DIPK2B: variants seen among roughly 807,000 people sequenced by gnomAD.
The protein encoded by DIPK2B is divergent protein kinase domain 2B.
Under a neutral mutation model 22.2 loss-of-function variants are expected in DIPK2B, and 15 were observed. The ratio of observed to expected loss-of-function variants is 0.68; its 90% CI spans 0.45 to 1.04. DIPK2B has a LOEUF of 1.04. Ranked by LOEUF, DIPK2B falls within the 50% of genes least tolerant of loss-of-function variation. The pLI is 0.00. For synonymous variants in DIPK2B, 163 were observed against 153.2 expected, an observed-to-expected ratio of 1.06 and a Z score of -0.47; for missense variants, 345 against 348.3, an observed-to-expected ratio of 0.99 and a Z score of 0.08.
intron 2 of DIPK2B, among the ~76,000 whole-genome samples, chrX:45,167,778 G>A (rs2047056970): frequency 9.0e-6 from 1 of 111,171 alleles, no homozygotes; most frequent in South Asian, 3.8e-4. Context: ...TCCGCCTCCT[G>A]GGTTCAAGTG....
intron 2 of DIPK2B, among the ~76,000 whole-genome samples, chrX:45,182,945 C>A (rs908608305): frequency 9.0e-6 from 1 of 111,522 alleles, no homozygotes; most frequent in South Asian, 3.8e-4. Flanking sequence ...TGGTTGGTCA[C>A]CCTAGAATGT....
chrX:45,195,158 ATG>A (rs1201632365), intron 1 of DIPK2B, among the ~76,000 whole-genome samples: 1 of 112,763 alleles, frequency 8.9e-6, no homozygotes, highest in Non-Finnish European at 1.9e-5. Flanking sequence ...AAATAGAAGA[ATG>A]TCAGTGAGAA....
Position 45,157,296 on chromosome X carries a change from T to G in DIPK2B, c.672+419A>C, listed in dbSNP as rs1206442980. Among the ~76,000 whole-genome samples, 3 of 111,861 alleles carry G rather than the reference T, an allele frequency of 2.7e-5. No individual in the cohort carries two copies. The Admixed American group carries it at 2.9e-4, about 11-fold the overall frequency. On this transcript the variant is annotated intron_variant, in intron 3 of 4. Transcript: ENST00000398000. ...GACCATTCCCCTGTGTATGGACATT[T>G]AGGAGTTACTTCCTTTGTTTTCCTC...
At chrX:45,178,769 A>C (rs182049634) in intron 2 of DIPK2B, among the ~76,000 whole-genome samples, 22 of 111,734 alleles carry the variant, frequency 2.0e-4, no homozygotes, top group Non-Finnish European at 3.0e-4. Flanking sequence ...TGAGTAGGGT[A>C]GGCCTCTAGA....
At chrX:45,181,269 G>T (rs2047150385) in intron 2 of DIPK2B, among the ~76,000 whole-genome samples, 1 of 111,798 alleles carries the variant, frequency 8.9e-6, no homozygotes, top group African/African-American at 3.3e-5. Flanking sequence ...TTCATGGATT[G>T]GGAGTCTCAA....
At position 45,150,190 on chromosome X, in the gene DIPK2B, C is replaced by CT. The variant is rs2046952955; in HGVS notation, c.*1461dup. ...AGCCACCGGGCCTGGCCTGTTCTGA[C>CT]TTTAAAGGTAGGGATTCAGAGGCAG... On this transcript the variant is annotated 3_prime_UTR_variant, in exon 5 of 5. Coordinates refer to ENST00000398000, the MANE Select transcript of DIPK2B (RefSeq NM_176819.4). 9.0e-6 allele frequency: 1 copy of CT among 111,388 alleles called. No individual in the cohort carries two copies. Among genetic ancestry groups the CT allele is most frequent in the Admixed American group, 9.6e-5 (1 of 10,432 alleles). 9.2% of individuals were successfully genotyped at this position (111,388 alleles called of 1,213,427 possible).
intron 3 of DIPK2B, among the ~76,000 whole-genome samples, chrX:45,155,434 AT>A (rs1300194501): frequency 2.9e-4 from 29 of 99,483 alleles, no homozygotes; most frequent in South Asian, 9.6e-4. Context: ...AAAAAAAAAT[AT>A]ATATATATAT....
intron 2 of DIPK2B, among the ~76,000 whole-genome samples, chrX:45,186,185 T>C (rs2047182676): frequency 8.9e-6 from 1 of 112,106 alleles, no homozygotes; most frequent in Non-Finnish European, 1.9e-5. Flanking sequence ...ATCTTAGTTG[T>C]TTCAACTCTG....
intron 1 of DIPK2B, among the ~76,000 whole-genome samples, chrX:45,196,553 A>AT (rs1389560886): frequency 2.7e-5 from 3 of 110,891 alleles, no homozygotes; most frequent in South Asian, 3.9e-4. Context: ...GTGTTTAAAC[A>AT]TTTTTTTTAG....
At chrX:45,164,847 G>A (rs2047039679) in intron 2 of DIPK2B, among the ~76,000 whole-genome samples, 1 of 112,076 alleles carries the variant, frequency 8.9e-6, no homozygotes, top group Admixed American at 9.5e-5. Context: ...TGGGGCAGAA[G>A]GGTCACTTGA....
At chrX:45,157,210 A>C (rs2046999970) in intron 3 of DIPK2B, among the ~76,000 whole-genome samples, 1 of 111,512 alleles carries the variant, frequency 9.0e-6, no homozygotes, top group African/African-American at 3.3e-5. Flanking sequence ...AAGGCAGGAG[A>C]CACCATACTT....
intron 1 of DIPK2B, 39 bp downstream of exon 1, chrX:45,200,555 G>T (rs374091335): frequency 4.4e-6 from 5 of 1,142,975 alleles, no homozygotes; most frequent in Non-Finnish European, 6.0e-6. Flanking sequence ...GAAGGGAACA[G>T]AATTTTGTGA....
chrX:45,195,370 T>C (rs1485582988), intron 1 of DIPK2B, among the ~76,000 whole-genome samples: 2 of 111,121 alleles, frequency 1.8e-5, no homozygotes, highest in East Asian at 2.9e-4. Flanking sequence ...AACAAGGCCA[T>C]GTGGTCCAAT....
intron 1 of DIPK2B, among the ~76,000 whole-genome samples, chrX:45,198,411 G>A (rs1005490703): frequency 3.6e-5 from 4 of 111,424 alleles, no homozygotes; most frequent in African/African-American, 1.3e-4. Context: ...TCTTTGTGCT[G>A]AGGATGACCA....
chrX:45,178,710 A>T (rs1230677494), intron 2 of DIPK2B, among the ~76,000 whole-genome samples: 1 of 111,481 alleles, frequency 9.0e-6, no homozygotes, highest in Non-Finnish European at 1.9e-5. Context: ...AGCCCCCATA[A>T]CTTTGTAAAA....
Position 45,154,203 on chromosome X carries a change from C to T in DIPK2B, c.673-5G>A. ...TCCCTCAGCCCCAGGGAAGATCTGC[C>T]AAGCCAGAAGGAGGAGGATTAGAGA... is the stretch of plus-strand genomic sequence containing the variant. On this transcript the variant is annotated splice_region_variant and splice_polypyrimidine_tract_variant and intron_variant, in intron 3 of 4. Coordinates refer to ENST00000398000, the MANE Select transcript of DIPK2B (RefSeq NM_176819.4). The T allele has an allele frequency of 8.4e-7, 1 of 1,188,870 alleles. No individual in the cohort carries two copies. Among genetic ancestry groups the T allele is most frequent in the Non-Finnish European group, 1.1e-6 (1 of 884,801 alleles).
In DIPK2B at chrX:45,151,445, G is replaced by C; in HGVS notation, c.*207C>G. On this transcript the variant is annotated 3_prime_UTR_variant, in exon 5 of 5. Coordinates refer to ENST00000398000, the MANE Select transcript of DIPK2B (RefSeq NM_176819.4). ...GTGAGCGTCCACACCCAGGTCTTCTGATGCCCACCGCGGGCTTTGCCAGGA... is the reference window on the plus strand; with the variant it reads ...GTGAGCGTCCACACCCAGGTCTTCTCATGCCCACCGCGGGCTTTGCCAGGA... The C allele has an allele frequency of 2.3e-6, 1 of 439,270 alleles. No homozygotes were observed. The allele number at this position is 439,270 out of a possible 1,213,427, so 36.2% of individuals were successfully genotyped here. A position where few individuals can be genotyped will look rare whatever the true frequency, so the allele number is the denominator to read the frequency against.
rs144382411 is a variant in DIPK2B at position 45,181,014 on chromosome X, G to A, written c.498+10737C>T. Among the ~76,000 whole-genome samples the A allele has an allele frequency of 5.5e-3, 612 of 111,807 alleles. 1 individual carries two copies. Among genetic ancestry groups the A allele is most frequent in the African/African-American group, 0.019 (579 of 30,823 alleles). ...TGTGGAAAGCAAAACCAGGGATAGA[G>A]GGACTACTATATTTCTATATGTTAG... On this transcript the variant is annotated intron_variant, in intron 2 of 4. Coordinates refer to ENST00000398000, the MANE Select transcript of DIPK2B (RefSeq NM_176819.4).
chrX:45,186,267 C>G (rs1297501318), intron 2 of DIPK2B, among the ~76,000 whole-genome samples: 1 of 111,382 alleles, frequency 9.0e-6, no homozygotes, highest in Non-Finnish European at 1.9e-5. Context: ...TAATGTCTGT[C>G]CAGTTGGTTC....
Sources: allele counts gnomAD v4.1 joint callset (sites outside exome capture counted in the v4.1 genomes callset), GRCh38; gene constraint gnomAD v4.1.1; transcripts MANE v1.5; gene names NCBI Gene and HGNC (gene_info 2026-07-23, HGNC 2026-07-21).